The following CYB561D2 variants were observed in gnomAD, a reference collection of about 807,000 sequenced individuals.
The protein encoded by CYB561D2 is cytochrome b561 family member D2.
Under a neutral mutation model 20.2 loss-of-function variants are expected in CYB561D2, and 16 were observed. That is an observed-to-expected ratio of 0.79 (90% CI 0.53 to 1.20). The LOEUF (loss-of-function observed/expected upper bound fraction) is 1.20, where lower values mean the gene tolerates loss of function less well. Among genes scored for constraint, CYB561D2 ranks in the 50% most tolerant of loss-of-function variants. The pLI is 0.00. For synonymous variants in CYB561D2, 135 were observed against 128.3 expected, an observed-to-expected ratio of 1.05 and a Z score of -0.35; for missense variants, 247 against 270.3, an observed-to-expected ratio of 0.91 and a Z score of 0.60.
chr3:50,353,185 T>C (rs1425068626), intron 3 of CYB561D2, 56 bp from the exon 4 acceptor site: 4 of 1,515,104 alleles, frequency 2.6e-6, no homozygotes, highest in Non-Finnish European at 3.5e-6. Context: ...TAAAGCCCTC[T>C]TCTCCTCTTC....
chr3:50,351,375 C>A, intron 1 of CYB561D2, 34 bp from the exon 2 acceptor site: 3 of 1,588,182 alleles, frequency 1.9e-6, no homozygotes, highest in Non-Finnish European at 2.6e-6. Context: ...ACAGTGGGCA[C>A]CTGAGATCCT....
At chr3:50,351,388 C>G in intron 1 of CYB561D2, 21 bp from the exon 2 acceptor site, 5 of 1,595,704 alleles carry the variant, frequency 3.1e-6, no homozygotes, top group Non-Finnish European at 3.4e-6. Context: ...GAGATCCTGG[C>G]CCACGCTACT....
intron 1 of CYB561D2, 26 bp from the exon 2 acceptor site, chr3:50,351,383 C>T (rs770364391): frequency 1.6e-5 from 25 of 1,592,758 alleles, no homozygotes; most frequent in South Asian, 3.4e-5. Context: ...CACCTGAGAT[C>T]CTGGCCCACG....
At chr3:50,353,085 A>G (rs1212372569) in intron 3 of CYB561D2, among the ~76,000 whole-genome samples, 156 bp from the exon 4 acceptor site, 3 of 152,154 alleles carry the variant, frequency 2.0e-5, no homozygotes, top group African/African-American at 7.2e-5. Context: ...GGGGTTTTCC[A>G]CTCTTGCCCC....
At position 50,353,667 on chromosome 3, in the gene CYB561D2, T is replaced by C. The variant is rs749930129; in HGVS notation, c.592T>C (p.Cys198Arg). Reference protein sequence around the residue: ...TGAAWYLAVLCPVLTSLVIMN... With the variant: ...TGAAWYLAVLRPVLTSLVIMN... ...TGCAGCCTGGTACCTGGCTGTATTA[T>C]GCCCTGTCCTCACCAGCTTGGTCAT... Residue 198 changes from cysteine (C) to arginine (R), a missense_variant, in exon 4 of 4, where the codon TGC becomes CGC. By Grantham distance (180) the Cys-to-Arg change is radical. Coordinates refer to ENST00000425346, the MANE Select transcript of CYB561D2 (RefSeq NM_001291284.2). 8 of 1,613,510 alleles carry C rather than the reference T, an allele frequency of 5.0e-6. No individual in the cohort carries two copies. Among genetic ancestry groups the C allele is most frequent in the Middle Eastern group, 1.7e-4 (1 of 6,048 alleles).
Position 50,350,952 on chromosome 3 carries a change from C to T in CYB561D2, c.-58C>T. On this transcript the variant is annotated 5_prime_UTR_variant, in exon 1 of 4. Coordinates refer to ENST00000425346, the MANE Select transcript of CYB561D2 (RefSeq NM_001291284.2). This position sits in a 1 kb window ranked among gnomAD's most constrained non-coding sequence, Gnocchi z 5.7. Reference sequence around the variant, plus strand: ...GTATCCCGCTTTCTTTGGAGGAAACCACCGCATCAGATCTGCGCTGCGGCA... The same window carrying T: ...GTATCCCGCTTTCTTTGGAGGAAACTACCGCATCAGATCTGCGCTGCGGCA... 1 of 1,329,644 alleles carries T rather than the reference C, an allele frequency of 7.5e-7. No individual in the cohort carries two copies. The highest frequency in any genetic ancestry group is 9.7e-7 in the Non-Finnish European group (1 of 1,031,956). 82.4% of individuals were successfully genotyped at this position (1,329,644 alleles called of 1,614,324 possible).
At chr3:50,351,920 T>C (rs1703774236) in intron 2 of CYB561D2, 89 bp from the exon 3 acceptor site, 1 of 1,516,598 alleles carries the variant, frequency 6.6e-7, no homozygotes, top group Non-Finnish European at 9.1e-7. Context: ...CCTTGGGTGA[T>C]GGGCTGCTGG....
In CYB561D2 at chr3:50,354,007, C is replaced by T. The variant is rs140053116; in HGVS notation, c.*263C>T. On this transcript the variant is annotated 3_prime_UTR_variant, in exon 4 of 4. Coordinates refer to ENST00000425346, the MANE Select transcript of CYB561D2 (RefSeq NM_001291284.2). The stretch of plus-strand genomic sequence containing the variant: ...CAAGACTGCCTCTCCTGCAAGGCAG[C>T]TCATACTTGTACTGTATGTTCAGAA... The T allele has an allele frequency of 2.1e-3, 1,059 of 495,862 alleles. 10 individuals are homozygous for T. Among genetic ancestry groups the T allele is most frequent in the African/African-American group, 0.018 (930 of 52,544 alleles). 30.7% of individuals were successfully genotyped at this position (495,862 alleles called of 1,614,324 possible).
intron 3 of CYB561D2, among the ~76,000 whole-genome samples, chr3:50,352,442 T>C (rs1243737795): frequency 6.7e-6 from 1 of 148,424 alleles, no homozygotes; most frequent in Non-Finnish European, 1.5e-5. Context: ...ATTGCGCCAC[T>C]GCACTCTAAC....
chr3:50,351,672 G>A, intron 2 of CYB561D2, 112 bp downstream of exon 2: 1 of 1,442,180 alleles, frequency 6.9e-7, no homozygotes. Flanking sequence ...ATTCTGTGCT[G>A]GAGCGATGAG....
chr3:50,352,173 GC>G, intron 3 of CYB561D2, 127 bp downstream of exon 3: 1 of 1,133,946 alleles, frequency 8.8e-7, no homozygotes, highest in Non-Finnish European at 1.3e-6. Flanking sequence ...AACTACTCCT[GC>G]CCATGGTATA....
rs1430919922 is a variant in CYB561D2, at chr3:50,353,646, G to C, written c.571G>C (p.Ala191Pro). ...GTTCACTGCCTCTGTCACTGGTGCA[G>C]CCTGGTACCTGGCTGTATTATGCCC... ...LWFTASVTGA[A>P]WYLAVLCPVL... Residue 191 changes from alanine (A) to proline (P), a missense_variant, in exon 4 of 4, where the codon GCC becomes CCC. By Grantham distance (27) the Ala-to-Pro change is conservative (BLOSUM62 -1). Coordinates refer to ENST00000425346, the MANE Select transcript of CYB561D2 (RefSeq NM_001291284.2). 1 of 1,613,658 alleles carries C rather than the reference G, an allele frequency of 6.2e-7. No individual in the cohort carries two copies. The highest frequency in any genetic ancestry group is 8.5e-7 in the Non-Finnish European group (1 of 1,180,044).
chr3:50,351,388 C>A, intron 1 of CYB561D2, 21 bp from the exon 2 acceptor site: 1 of 1,595,700 alleles, frequency 6.3e-7, no homozygotes. Flanking sequence ...GAGATCCTGG[C>A]CCACGCTACT....
At chr3:50,351,165 T>C (rs780778130) in intron 1 of CYB561D2, 181 bp downstream of exon 1, 101 of 511,902 alleles carry the variant, frequency 2.0e-4, no homozygotes, top group Non-Finnish European at 3.0e-4. Context: ...TAGTCTTACA[T>C]GGCTTTGCGC....
chr3:50,351,621 G>C lies in CYB561D2; in HGVS notation c.127+61G>C, dbSNP rs587663069. On this transcript the variant is annotated intron_variant, in intron 2 of 3. Transcript: ENST00000425346. ...AGGGCCACTGTTCCTGGGGAGGAAG[G>C]GCAGTGGGACTTCCGGGAACAGGCC... 3,026 of 1,573,116 alleles carry C rather than the reference G, an allele frequency of 1.9e-3. 8 individuals carry two copies. Among genetic ancestry groups the C allele is most frequent in the Non-Finnish European group, 2.3e-3 (2,613 of 1,155,992 alleles).
intron 1 of CYB561D2, 32 bp from the exon 2 acceptor site, chr3:50,351,377 T>G (rs1286565756): frequency 8.8e-6 from 14 of 1,588,664 alleles, no homozygotes; most frequent in Non-Finnish European, 1.2e-5. Flanking sequence ...AGTGGGCACC[T>G]GAGATCCTGG....
chr3:50,352,828 C>G (rs1703803472), intron 3 of CYB561D2, among the ~76,000 whole-genome samples: 1 of 152,162 alleles, frequency 6.6e-6, no homozygotes, highest in African/African-American at 2.4e-5. Flanking sequence ...TTGGATGTAC[C>G]TCTGTCCCTT....
At position 50,351,561 on chromosome 3, in the gene CYB561D2, G is replaced by T; in HGVS notation, c.127+1G>T. On this transcript the variant is annotated splice_donor_variant, in intron 2 of 3. Transcript: ENST00000425346. LOFTEE classifies it high-confidence loss of function. ...GCTGTGCTTGCCAGGCCTGGCTCCAGTAAGTAGAATTCATAGCTGACTTCT... is the reference window on the plus strand; with the variant it reads ...GCTGTGCTTGCCAGGCCTGGCTCCATTAAGTAGAATTCATAGCTGACTTCT... 1 of 1,612,168 alleles carries T rather than the reference G, an allele frequency of 6.2e-7. No homozygotes were observed. The highest frequency in any genetic ancestry group is 8.5e-7 in the Non-Finnish European group (1 of 1,179,122).
Position 50,352,066 on chromosome 3 carries a change from A to C in CYB561D2, c.165+20A>C, listed in dbSNP as rs148275530. The C allele has an allele frequency of 3.5e-3, 5,723 of 1,613,534 alleles. 16 individuals carry two copies. Among genetic ancestry groups the C allele is most frequent in the South Asian group, 4.6e-3 (417 of 91,070 alleles). The stretch of plus-strand genomic sequence containing the variant: ...TTGGCTGTAAGTAGTGGGCCTGGGC[A>C]GTTCTTAGGGGTGGGAGCATGGGCA... On this transcript the variant is annotated intron_variant, in intron 3 of 3. Transcript: ENST00000425346.
Sources: gnomAD v4.1 joint callset for allele counts (sites outside exome capture counted in the v4.1 genomes callset) on GRCh38, gnomAD v4.1.1 for gene constraint, Gnocchi (gnomAD v3.1) non-coding constraint, MANE v1.5 for transcripts, NCBI Gene and HGNC (gene_info 2026-07-23, HGNC 2026-07-21) for gene names.